RBFOX1: variants seen among roughly 807,000 people sequenced by gnomAD.
RBFOX1 encodes RNA binding protein fox-1 homolog 1.
In RBFOX1, 8 loss-of-function variants were observed where a neutral mutation model predicts 57.7. The ratio of observed to expected loss-of-function variants is 0.14; its 90% CI spans 0.08 to 0.25. RBFOX1 has a LOEUF of 0.25. Ranked by LOEUF, RBFOX1 falls within the 10% of genes least tolerant of loss-of-function variation. The pLI, the probability that RBFOX1 is intolerant of heterozygous loss-of-function variation, is 1.00. For synonymous variants in RBFOX1, 326 were observed against 222.4 expected (o/e 1.47, Z -4.15); for missense variants, 611 against 548.5 (o/e 1.11, Z -1.14).
intron 2 of RBFOX1, among the ~76,000 whole-genome samples, chr16:5,555,554 C>T (rs2045636927): frequency 1.3e-5 from 2 of 151,430 alleles, no homozygotes; most frequent in South Asian, 4.3e-4. Context: ...CGGGGCCTTG[C>T]AATTACTTTT....
chr16:6,228,526 C>G (rs2097434193), intron 1 of RBFOX1, among the ~76,000 whole-genome samples: 1 of 152,028 alleles, frequency 6.6e-6, no homozygotes, highest in Non-Finnish European at 1.5e-5. Context: ...ATGGTTGAAC[C>G]TGGAGGACAT....
At chr16:7,646,731 T>A (rs2063809582) in intron 11 of RBFOX1, among the ~76,000 whole-genome samples, 1 of 152,206 alleles carries the variant, frequency 6.6e-6, no homozygotes, top group Non-Finnish European at 1.5e-5. Context: ...CTCTTCCATC[T>A]CCCCCAGAGC....
intron 2 of RBFOX1, among the ~76,000 whole-genome samples, chr16:6,579,885 C>T (rs576931079): frequency 3.9e-5 from 6 of 152,208 alleles, no homozygotes; most frequent in Admixed American, 6.5e-5. Flanking sequence ...TGCCGCCAGC[C>T]TTCAGTCCTT....
At chr16:6,845,270 G>A (rs932717775) in intron 3 of RBFOX1, among the ~76,000 whole-genome samples, 19 of 151,880 alleles carry the variant, frequency 1.3e-4, no homozygotes, top group African/African-American at 4.1e-4. Flanking sequence ...GTCCTGAATG[G>A]TATTGCCTAG....
chr16:7,207,629 C>G (rs1346457548), intron 4 of RBFOX1, among the ~76,000 whole-genome samples: 2 of 152,156 alleles, frequency 1.3e-5, no homozygotes, highest in Non-Finnish European at 2.9e-5. Context: ...TTGCTGAGAA[C>G]AGTCTCTGCA....
rs542790468 is a variant in RBFOX1 at position 7,184,543 on chromosome 16, G to A, written c.27+132445G>A. ...GTCAAAAGTTAGCCAAGTGATTGAA[G>A]TATGACATATTGGCTGTGCCTTTGT... On this transcript the variant is annotated intron_variant, in intron 4 of 15. Coordinates refer to ENST00000550418, the MANE Select transcript of RBFOX1 (RefSeq NM_018723.4). Among the ~76,000 whole-genome samples, 21 of 152,342 alleles carry A rather than the reference G, an allele frequency of 1.4e-4. No individual in the cohort carries two copies. In the South Asian group the frequency reaches 4.3e-3, roughly 32 times the overall value.
In RBFOX1 at chr16:6,797,124, C is replaced by G. The variant is rs538438253; in HGVS notation, c.-16+142474C>G. ...CCCACAGGTAGAAGGCTCTGCTGTT[C>G]GTTGTTTTACTACTCTGCAGATAGG... On this transcript the variant is annotated intron_variant, in intron 3 of 15. Coordinates refer to ENST00000550418, the MANE Select transcript of RBFOX1 (RefSeq NM_018723.4). Among the ~76,000 whole-genome samples the G allele has an allele frequency of 2.6e-5, 4 of 152,116 alleles. No individual in the cohort carries two copies. The South Asian group carries it at 6.2e-4, about 24-fold the overall frequency.
intron 4 of RBFOX1, among the ~76,000 whole-genome samples, chr16:7,398,024 G>C (rs552232187): frequency 1.6e-4 from 25 of 151,776 alleles, no homozygotes; most frequent in African/African-American, 5.8e-4. Context: ...TGGATTAAGC[G>C]ATATCCTCAG....
At chr16:6,403,502 T>C (rs984609639) in intron 2 of RBFOX1, among the ~76,000 whole-genome samples, 4 of 152,042 alleles carry the variant, frequency 2.6e-5, no homozygotes, top group Admixed American at 1.3e-4. Context: ...TAGCTGGGAC[T>C]ACAGGCGAGT....
intron 1 of RBFOX1, among the ~76,000 whole-genome samples, chr16:5,300,437 A>G (rs902648303): frequency 2.0e-5 from 3 of 152,156 alleles, no homozygotes; most frequent in Admixed American, 6.5e-5. Flanking sequence ...GAGTGCATCA[A>G]AATCTCAGAA....
At chr16:6,484,925 C>T (rs373512418) in intron 2 of RBFOX1, among the ~76,000 whole-genome samples, 1 of 152,106 alleles carries the variant, frequency 6.6e-6, no homozygotes, top group Non-Finnish European at 1.5e-5. Flanking sequence ...ATTGTGTAAT[C>T]CTCTCTTTAG....
intron 1 of RBFOX1, among the ~76,000 whole-genome samples, chr16:6,185,003 G>C (rs2097096017): frequency 6.6e-6 from 1 of 152,164 alleles, no homozygotes; most frequent in Non-Finnish European, 1.5e-5. Context: ...GTGTGAATTC[G>C]GCATGAGGTG....
chr16:7,301,132 G>T (rs183013887), intron 4 of RBFOX1, among the ~76,000 whole-genome samples: 1 of 152,338 alleles, frequency 6.6e-6, no homozygotes, highest in South Asian at 2.1e-4. Context: ...GGCTGGCAAA[G>T]TGTTGTCATC....
chr16:7,004,075 C>A (rs1290645984), intron 3 of RBFOX1: 1 of 150,448 alleles, frequency 6.6e-6, no homozygotes, highest in Non-Finnish European at 1.5e-5. Flanking sequence ...TTCTCTGTAT[C>A]ATTCTAGTTT....
intron 2 of RBFOX1, among the ~76,000 whole-genome samples, chr16:6,602,924 C>A (rs1251280052): frequency 6.6e-6 from 1 of 152,108 alleles, no homozygotes; most frequent in Admixed American, 6.5e-5. Flanking sequence ...ACTAATAAAA[C>A]GAGAGCTGGA....
At chr16:6,455,099 T>C (rs2094735485) in intron 2 of RBFOX1, among the ~76,000 whole-genome samples, 1 of 151,170 alleles carries the variant, frequency 6.6e-6, no homozygotes, top group Non-Finnish European at 1.5e-5. Flanking sequence ...TTCACTGTGT[T>C]AGCCAGGATG....
rs2191125 is a variant in RBFOX1 at position 7,670,921 on chromosome 16, T to A, written c.931-5853T>A. Among the ~76,000 whole-genome samples the A allele has an allele frequency of 2.3e-3, 353 of 152,122 alleles. 1 individual carries two copies. Among genetic ancestry groups the A allele is most frequent in the African/African-American group, 8.3e-3 (344 of 41,502 alleles). ...GAGACCTTCCTTGCCAGTGCTAGAT[T>A]TGTATGAAATGATAGCATTTTGATA... On this transcript the variant is annotated intron_variant, in intron 13 of 15. Coordinates refer to ENST00000550418, the MANE Select transcript of RBFOX1 (RefSeq NM_018723.4).
intron 4 of RBFOX1, among the ~76,000 whole-genome samples, chr16:5,942,949 C>T (rs1043811804): frequency 2.6e-5 from 4 of 152,168 alleles, no homozygotes; most frequent in African/African-American, 4.8e-5. Context: ...TACACTGTCT[C>T]GGGCTGGTAG....
At chr16:6,301,503 G>C (rs2078816657) in intron 1 of RBFOX1, among the ~76,000 whole-genome samples, 1 of 152,088 alleles carries the variant, frequency 6.6e-6, no homozygotes, top group Admixed American at 6.6e-5. Context: ...AACATTATGA[G>C]ATCTAGTTTC....
Sources: allele counts gnomAD v4.1 joint callset (sites outside exome capture counted in the v4.1 genomes callset), GRCh38; gene constraint gnomAD v4.1.1; transcripts MANE v1.5; gene names NCBI Gene and HGNC (gene_info 2026-07-23, HGNC 2026-07-21).